The following KLRG1 variants were observed in gnomAD, a reference collection of about 807,000 sequenced individuals.
The protein encoded by KLRG1 is killer cell lectin like receptor G1.
KLRG1 carries 16 observed loss-of-function variants against 21.8 expected under a neutral mutation model. That is an observed-to-expected ratio of 0.73 (90% CI 0.50 to 1.11). KLRG1 has a LOEUF of 1.11. KLRG1 is among the 50% of genes most tolerant of loss of function. The probability of loss-of-function intolerance (pLI) is 0.00; values close to 1 mark genes in which losing one functional copy is unlikely to be tolerated. For synonymous variants in KLRG1, 69 were observed against 75.9 expected, an observed-to-expected ratio of 0.91 and a Z score of 0.47; for missense variants, 173 against 218.3, an observed-to-expected ratio of 0.79 and a Z score of 1.31.
chr12:8,985,547 G>A (rs1399387347), upstream of KLRG1, among the ~76,000 whole-genome samples: 1 of 152,174 alleles, frequency 6.6e-6, no homozygotes, highest in African/African-American at 2.4e-5. Context: ...CTGGGCCTCT[G>A]GAACATCTGA....
the KLRG1 span, among the ~76,000 whole-genome samples, chr12:9,075,064 T>C: frequency 2.6e-5 from 4 of 152,238 alleles, no homozygotes; most frequent in Admixed American, 1.3e-4. Flanking sequence ...AGTTGTCTCA[T>C]TGAGTCTGGC....
the KLRG1 span, chr12:9,208,205 A>G: frequency 7.2e-7 from 1 of 1,397,610 alleles, no homozygotes; most frequent in South Asian, 1.2e-5. Context: ...AAGCGAAGAC[A>G]CAAGGGAGAG....
At chr12:9,183,735 G>A in the KLRG1 span, among the ~76,000 whole-genome samples, 1 of 152,128 alleles carries the variant, frequency 6.6e-6, no homozygotes, top group East Asian at 1.9e-4. Context: ...GAGATTGGTG[G>A]CACTCAATTA....
chr12:9,017,264 C>CAAAAAAAAAAAAAAAAAAAA, the KLRG1 span, among the ~76,000 whole-genome samples: 2 of 53,130 alleles, frequency 3.8e-5, no homozygotes, highest in African/African-American at 8.0e-5. Context: ...AACTCCATCT[C>CAAAAAAAAAAAAAAAAAAAA]AAAAAAAAAA....
the KLRG1 span, among the ~76,000 whole-genome samples, chr12:9,081,418 G>T: frequency 6.6e-6 from 1 of 152,276 alleles, no homozygotes; most frequent in East Asian, 1.9e-4. Flanking sequence ...TTTTCGTTTT[G>T]TAGTTCAATT....
intron 4 of KLRG1, 96 bp from the exon 5 acceptor site, chr12:9,009,330 G>A: frequency 6.7e-7 from 1 of 1,483,952 alleles, no homozygotes; most frequent in Non-Finnish European, 9.1e-7. Context: ...GCCTGAATAG[G>A]GAGACAGAAT....
At position 8,981,166 on chromosome 12, in the gene KLRG1, T is replaced by C. The variant is rs932547890; in HGVS notation, c.-155-11040T>C. Among the ~76,000 whole-genome samples, 5 of 152,250 alleles carry C rather than the reference T, an allele frequency of 3.3e-5. No individual in the cohort carries two copies. The East Asian group carries it at 9.6e-4, about 29-fold the overall frequency. On this transcript the variant is annotated intron_variant, in intron 1 of 4. Transcript: ENST00000539240. ...GTCTGCTCTCTTGCTGTGTTAGTCCTCTTGCTCAATCTTATTAGAAGTTTA... is the reference window on the plus strand; with the variant it reads ...GTCTGCTCTCTTGCTGTGTTAGTCCCCTTGCTCAATCTTATTAGAAGTTTA...
At chr12:8,999,052 C>A (rs1237170486) in intron 3 of KLRG1, among the ~76,000 whole-genome samples, 2 of 149,230 alleles carry the variant, frequency 1.3e-5, no homozygotes, top group Admixed American at 1.3e-4. Context: ...TTTTTTTTTT[C>A]TATCTGGGAC....
chr12:9,074,774 A>G, the KLRG1 span: 2 of 1,612,004 alleles, frequency 1.2e-6, no homozygotes, highest in Non-Finnish European at 1.7e-6. Flanking sequence ...CTCCCAATGG[A>G]CAGAGTTGTC....
At chr12:9,106,479 T>C in the KLRG1 span, 1 of 1,533,046 alleles carries the variant, frequency 6.5e-7, no homozygotes, top group South Asian at 1.2e-5. Context: ...TATACCCATG[T>C]AGTACACAAA....
At chr12:9,017,307 C>T in the KLRG1 span, among the ~76,000 whole-genome samples, 1 of 146,316 alleles carries the variant, frequency 6.8e-6, no homozygotes, top group Non-Finnish European at 1.5e-5. Context: ...AAAAAAAATC[C>T]CAAACAAACA....
the KLRG1 span, among the ~76,000 whole-genome samples, chr12:9,117,832 A>C: frequency 6.6e-6 from 1 of 152,212 alleles, no homozygotes; most frequent in African/African-American, 2.4e-5. Flanking sequence ...CAATATATCC[A>C]AAATATGATC....
chr12:9,028,051 C>G, the KLRG1 span: 3 of 1,299,840 alleles, frequency 2.3e-6, no homozygotes, highest in Non-Finnish European at 1.1e-6. Context: ...AAGGCAAAGT[C>G]CCTTTTCTTG....
the KLRG1 span, chr12:9,151,513 G>T: frequency 9.4e-7 from 1 of 1,065,916 alleles, no homozygotes; most frequent in Non-Finnish European, 1.4e-6. Flanking sequence ...ACTAATGATT[G>T]TTTTCCTCAT....
the KLRG1 span, chr12:9,181,040 A>C: frequency 6.2e-7 from 1 of 1,614,202 alleles, no homozygotes; most frequent in Non-Finnish European, 8.5e-7. Flanking sequence ...GGTCCACAGC[A>C]CGAAGGGCAC....
the KLRG1 span, among the ~76,000 whole-genome samples, chr12:9,100,821 C>CT: frequency 6.6e-6 from 1 of 151,836 alleles, no homozygotes; most frequent in Non-Finnish European, 1.5e-5. Flanking sequence ...GAAGTGGCAG[C>CT]TAAGCTATTA....
the KLRG1 span, chr12:9,101,317 G>C: frequency 7.3e-7 from 1 of 1,373,462 alleles, no homozygotes; most frequent in Non-Finnish European, 1.0e-6. Context: ...TTCACCTCAA[G>C]AGAAATCAAA....
At chr12:9,029,220 A>G in the KLRG1 span, 1 of 173,722 alleles carries the variant, frequency 5.8e-6, no homozygotes, top group African/African-American at 2.4e-5. Context: ...TTTTTTATTT[A>G]TTTATTTATT....
chr12:9,052,333 C>A, the KLRG1 span, among the ~76,000 whole-genome samples: 8 of 152,098 alleles, frequency 5.3e-5, no homozygotes, highest in Admixed American at 5.2e-4. Context: ...TAGGTGTTAC[C>A]TTTTCTCCTC....
Sources: allele counts gnomAD v4.1 joint callset (sites outside exome capture counted in the v4.1 genomes callset), GRCh38; gene constraint gnomAD v4.1.1; transcripts MANE v1.5; gene names NCBI Gene and HGNC (gene_info 2026-07-23, HGNC 2026-07-21).